PACS1: variants seen among roughly 807,000 people sequenced by gnomAD.
The protein encoded by PACS1 is phosphofurin acidic cluster sorting protein 1.
A neutral mutation model predicts 115.0 loss-of-function variants in PACS1; 24 were observed. The observed-to-expected ratio is 0.21, with a 90% confidence interval of 0.15 to 0.29. The LOEUF (loss-of-function observed/expected upper bound fraction) is 0.29, where lower values mean the gene tolerates loss of function less well. Among genes scored for constraint, PACS1 ranks in the 10% least tolerant of loss-of-function variants. PACS1 has a pLI of 1.00. For missense variants in PACS1, 838 were observed against 1,251.2 expected (o/e 0.67, Z 4.98); for synonymous variants, 453 against 504.5 (o/e 0.90, Z 1.37).
chr11:66,211,372 G>C, intron 4 of PACS1, 113 bp downstream of exon 4: 2 of 1,063,162 alleles, frequency 1.9e-6, no homozygotes, highest in Non-Finnish European at 2.7e-6. Flanking sequence ...CTGGCTAGGT[G>C]CTTAATTCTG....
chr11:66,215,064 C>T (rs964305619), intron 4 of PACS1, among the ~76,000 whole-genome samples: 18 of 151,936 alleles, frequency 1.2e-4, no homozygotes, highest in African/African-American at 4.4e-4. Context: ...TCCTGAGTAG[C>T]TGGGACTACA....
chr11:66,243,093 T>G, intron 23 of PACS1, 62 bp downstream of exon 23: 1 of 1,612,328 alleles, frequency 6.2e-7, no homozygotes, highest in Admixed American at 1.7e-5. Context: ...AGGCAGGCAA[T>G]GGCCTTTCCC....
intron 2 of PACS1, among the ~76,000 whole-genome samples, chr11:66,206,514 A>G (rs1394605002): frequency 6.6e-6 from 1 of 152,234 alleles, no homozygotes; most frequent in Non-Finnish European, 1.5e-5. Flanking sequence ...TGCTACCTGC[A>G]CACGCAGATT....
In PACS1 at chr11:66,211,236, G is replaced by A. The variant is rs142653069; in HGVS notation, c.637G>A (p.Val213Met). The A allele has an allele frequency of 2.6e-4, 415 of 1,613,624 alleles. 1 individual carries two copies. Among genetic ancestry groups the A allele is most frequent in the Non-Finnish European group, 3.2e-4 (372 of 1,179,642 alleles). ...CATCTTGGGCTATAAGACCTTGGCC[G>A]TGGGACTCATCAACATGGCAGAGGT... ...RTILGYKTLA[V>M]GLINMAEVMQ... Residue 213 changes from valine (V) to methionine (M), a missense_variant, in exon 4 of 24, where the codon GTG becomes ATG. Physicochemically the swap from Val to Met is conservative, Grantham distance 21. Coordinates refer to ENST00000320580, the MANE Select transcript of PACS1 (RefSeq NM_018026.4).
In PACS1 at chr11:66,170,227, T is replaced by G. The variant is rs182129903; in HGVS notation, c.357-23259T>G. On this transcript the variant is annotated intron_variant, in intron 1 of 23. Transcript: ENST00000320580. ...CTCTTAAGACTAATATATATATGCT[T>G]TCTATTCTGTGAAATTTGCTTTTAT... 1.5e-3 allele frequency among the ~76,000 whole-genome samples: 231 copies of G among 150,652 alleles called. 1 individual carries two copies. The highest frequency in any genetic ancestry group is 3.2e-3 in the Admixed American group (49 of 15,248).
At chr11:66,079,303 G>GTTTTTTTTTTTTTTTTTTTTTT (rs10692760) in intron 1 of PACS1, among the ~76,000 whole-genome samples, 1 of 110,400 alleles carries the variant, frequency 9.1e-6, no homozygotes, top group Non-Finnish European at 1.7e-5. Flanking sequence ...TTTGTAGCAG[G>GTTTTTTTTTTTTTTTTTTTTTT]TTTTTTTTTT....
rs201999955 is a variant in PACS1, at chr11:66,091,500, G to GT, written c.356+20660dup. 6.0e-3 allele frequency among the ~76,000 whole-genome samples: 875 copies of GT among 146,988 alleles called. 11 individuals carry two copies. The highest frequency in any genetic ancestry group is 0.02 in the African/African-American group (809 of 39,622). ...AGTTTTTTTTCTCATTGTTGTTGTT[G>GT]TTGTTTTTTTTCTTTTTTTTTTCTT... On this transcript the variant is annotated intron_variant, in intron 1 of 23. Coordinates refer to ENST00000320580, the MANE Select transcript of PACS1 (RefSeq NM_018026.4).
At chr11:66,211,860 C>T (rs193201969) in intron 4 of PACS1, among the ~76,000 whole-genome samples, 4 of 152,258 alleles carry the variant, frequency 2.6e-5, no homozygotes, top group East Asian at 1.9e-4. Context: ...GATTATGTGC[C>T]GCATATCACT....
At chr11:66,125,563 T>C (rs1055683952) in intron 1 of PACS1, among the ~76,000 whole-genome samples, 1 of 152,210 alleles carries the variant, frequency 6.6e-6, no homozygotes, top group African/African-American at 2.4e-5. Context: ...CTAAGTCATG[T>C]TAAATAATTC....
intron 1 of PACS1, among the ~76,000 whole-genome samples, chr11:66,139,552 G>GT (rs1461883619): frequency 1.3e-5 from 2 of 150,332 alleles, no homozygotes; most frequent in African/African-American, 2.5e-5. Context: ...GTCTCCATGA[G>GT]TTTAATTGTA....
chr11:66,237,936 G>C (rs1369077194), intron 19 of PACS1: 1 of 346,776 alleles, frequency 2.9e-6, no homozygotes, highest in Non-Finnish European at 4.1e-6. Context: ...CCACCTGCAG[G>C]CCTGTGCGGT....
chr11:66,132,641 C>T (rs1858730371), intron 1 of PACS1, among the ~76,000 whole-genome samples: 1 of 152,014 alleles, frequency 6.6e-6, no homozygotes, highest in Admixed American at 6.6e-5. Context: ...ATAGATGCAA[C>T]CAGCCTTTTT....
intron 10 of PACS1, 65 bp downstream of exon 10, chr11:66,221,312 C>T: frequency 7.5e-7 from 1 of 1,334,668 alleles, no homozygotes; most frequent in Non-Finnish European, 1.1e-6. Flanking sequence ...ACGCTCTGGC[C>T]CTCTGCATCT....
intron 1 of PACS1, among the ~76,000 whole-genome samples, chr11:66,126,378 CCCTGAA>C (rs1858571699): frequency 6.6e-6 from 1 of 152,158 alleles, no homozygotes; most frequent in South Asian, 2.1e-4. Flanking sequence ...GACAGGTAAT[CCCTGAA>C]CAAGTAAATC....
chr11:66,174,241 G>C (rs1202456122), intron 1 of PACS1, among the ~76,000 whole-genome samples: 1 of 152,132 alleles, frequency 6.6e-6, no homozygotes, highest in Non-Finnish European at 1.5e-5. Flanking sequence ...AACACTTACT[G>C]AATGACCTTA....
At chr11:66,126,884 G>A (rs1177604812) in intron 1 of PACS1, among the ~76,000 whole-genome samples, 1 of 151,940 alleles carries the variant, frequency 6.6e-6, no homozygotes, top group Non-Finnish European at 1.5e-5. Flanking sequence ...TGGCAGCAAG[G>A]GCCTCGTCGC....
chr11:66,204,232 A>T (rs1854881780), intron 2 of PACS1, among the ~76,000 whole-genome samples: 1 of 152,250 alleles, frequency 6.6e-6, no homozygotes, highest in South Asian at 2.1e-4. Flanking sequence ...TGGGCAAACG[A>T]TCTGAATAGA....
At chr11:66,130,867 C>T (rs1456228729) in intron 1 of PACS1, among the ~76,000 whole-genome samples, 4 of 151,602 alleles carry the variant, frequency 2.6e-5, no homozygotes, top group South Asian at 2.1e-4. Context: ...CCCAGGAGTT[C>T]GAGACCAACC....
intron 1 of PACS1, among the ~76,000 whole-genome samples, chr11:66,077,698 A>G (rs1857419894): frequency 8.7e-6 from 1 of 114,330 alleles, no homozygotes; most frequent in Non-Finnish European, 1.7e-5. Context: ...TTAAATTGTA[A>G]GTTTGTTTTT....
Sources: gnomAD v4.1 joint callset for allele counts (sites outside exome capture counted in the v4.1 genomes callset) on GRCh38, gnomAD v4.1.1 for gene constraint, MANE v1.5 for transcripts, NCBI Gene and HGNC (gene_info 2026-07-23, HGNC 2026-07-21) for gene names.